ATG7: variants seen among roughly 807,000 people sequenced by gnomAD.
ATG7 encodes the protein autophagy related 7.
A neutral mutation model predicts 82.4 loss-of-function variants in ATG7; 70 were observed. The ratio of observed to expected loss-of-function variants is 0.85; its 90% confidence interval spans 0.70 to 1.04. The LOEUF (loss-of-function observed/expected upper bound fraction) is 1.04. ATG7 is among the 50% of genes least tolerant of loss of function. The probability of loss-of-function intolerance (pLI) is 0.00; values close to 1 mark genes in which losing one functional copy is unlikely to be tolerated. For missense variants in ATG7, 792 were observed against 864.3 expected (o/e 0.92, Z 1.05); for synonymous variants, 287 against 313.0 (o/e 0.92, Z 0.88).
intron 20 of ATG7, among the ~76,000 whole-genome samples, chr3:11,459,526 G>A (rs1011694883): frequency 1.3e-5 from 2 of 151,528 alleles, no homozygotes; most frequent in Non-Finnish European, 2.9e-5. Flanking sequence ...GATTATGTTA[G>A]GAAACTTAAA....
At chr3:11,280,308 C>A (rs1942815056) in intron 1 of ATG7, among the ~76,000 whole-genome samples, 1 of 152,110 alleles carries the variant, frequency 6.6e-6, no homozygotes, top group African/African-American at 2.4e-5. Flanking sequence ...TTGAGTGTCT[C>A]CTATGGGCCA....
intron 19 of ATG7, among the ~76,000 whole-genome samples, chr3:11,424,058 TC>T (rs1327506730): frequency 2.0e-5 from 3 of 152,220 alleles, no homozygotes; most frequent in South Asian, 2.1e-4. Context: ...ACAGAGGACT[TC>T]CTGCCAGCTA....
chr3:11,527,455 C>T (rs2092609704), intron 20 of ATG7, among the ~76,000 whole-genome samples: 1 of 152,140 alleles, frequency 6.6e-6, no homozygotes, highest in Non-Finnish European at 1.5e-5. Context: ...TTCTCTTCTA[C>T]CTGTCCCTGG....
At chr3:11,301,187 C>T (rs996607261) in intron 5 of ATG7, among the ~76,000 whole-genome samples, 4 of 151,992 alleles carry the variant, frequency 2.6e-5, no homozygotes, top group South Asian at 2.1e-4. Context: ...GAGGTCAATG[C>T]GAGGGCCACT....
intron 20 of ATG7, among the ~76,000 whole-genome samples, chr3:11,539,233 T>A (rs1415614280): frequency 6.6e-6 from 1 of 152,178 alleles, no homozygotes; most frequent in African/African-American, 2.4e-5. Flanking sequence ...ACAACAGCCC[T>A]ACGAGGGAGA....
At chr3:11,475,030 C>CTT (rs541118972) in intron 20 of ATG7, among the ~76,000 whole-genome samples, 15 of 144,406 alleles carry the variant, frequency 1.0e-4, no homozygotes, top group African/African-American at 3.5e-4. Flanking sequence ...AGTGACTTAA[C>CTT]TTTTTTTTTT....
chr3:11,342,071 A>G, intron 12 of ATG7, 64 bp from the exon 13 acceptor site: 2 of 1,489,034 alleles, frequency 1.3e-6, no homozygotes, highest in Non-Finnish European at 1.8e-6. Flanking sequence ...AGCCACTTGA[A>G]ATCTTTCAGA....
chr3:11,432,301 GA>G (rs1358713692), intron 20 of ATG7, among the ~76,000 whole-genome samples: 1 of 152,150 alleles, frequency 6.6e-6, no homozygotes. Context: ...GCACAGTGAG[GA>G]GAGGCTAGAC....
intron 3 of ATG7, among the ~76,000 whole-genome samples, chr3:11,293,321 GGAGTTT>G (rs1277559220): frequency 1.3e-5 from 2 of 151,820 alleles, no homozygotes; most frequent in Non-Finnish European, 2.9e-5. Flanking sequence ...CTTGAGGTCA[GGAGTTT>G]GAGACCAGCC....
intron 18 of ATG7, among the ~76,000 whole-genome samples, chr3:11,366,971 CTGTGTGTGTGTGTGTGTGTGTGTGTG>C (rs60183965): frequency 2.8e-4 from 39 of 139,694 alleles, no homozygotes; most frequent in Non-Finnish European, 4.6e-4. Flanking sequence ...ATGGGAAAAG[CTGTGTGTGTGTGTGTGTGTGTGTGTG>C]TGTGTGTGTG....
rs2085945745 is a variant in ATG7, at chr3:11,458,296, C to T, written c.2079+31370C>T. 3.3e-5 allele frequency among the ~76,000 whole-genome samples: 5 copies of T among 152,186 alleles called. No individual in the cohort carries two copies. The South Asian group carries it at 1.0e-3, about 32-fold the overall frequency. ...TTTGTTTTGTTTTGATGGGGTCTTGCTGTGTTGCCCAGGATGGAGTGCAGC... is the reference window on the plus strand; with the variant it reads ...TTTGTTTTGTTTTGATGGGGTCTTGTTGTGTTGCCCAGGATGGAGTGCAGC... On this transcript the variant is annotated intron_variant, in intron 20 of 20. Transcript: ENST00000693202.
chr3:11,337,142 C>A (rs1952644236), intron 11 of ATG7, among the ~76,000 whole-genome samples: 1 of 152,120 alleles, frequency 6.6e-6, no homozygotes, highest in Admixed American at 6.6e-5. Context: ...TGGGAGACAG[C>A]ACCTAATTTT....
chr3:11,545,979 A>C (rs1206578847), intron 20 of ATG7, among the ~76,000 whole-genome samples: 2 of 152,024 alleles, frequency 1.3e-5, no homozygotes, highest in Admixed American at 6.6e-5. Context: ...TCTCCACAAA[A>C]TATAAAAAAT....
chr3:11,274,981 G>GA (rs1941393974), intron 1 of ATG7, among the ~76,000 whole-genome samples: 1 of 151,922 alleles, frequency 6.6e-6, no homozygotes, highest in South Asian at 2.1e-4. Flanking sequence ...ACACTGGACA[G>GA]AAAAAGACAA....
rs1181416536 is a variant in ATG7 at position 11,500,940 on chromosome 3, TG to T, written c.2080-53870del. ...CACTGCACCGCCCAACCTAAGTTTTTGTATAAATAACAGAAATGAATGAAAA... is the reference window on the plus strand; with the variant it reads ...CACTGCACCGCCCAACCTAAGTTTTTTATAAATAACAGAAATGAATGAAAA... On this transcript the variant is annotated intron_variant, in intron 20 of 20. Coordinates refer to ENST00000693202, the MANE Select transcript of ATG7 (RefSeq NM_001349232.2). Among the ~76,000 whole-genome samples the T allele has an allele frequency of 2.0e-5, 3 of 152,228 alleles. 1 individual carries two copies. The highest frequency in any genetic ancestry group is 7.2e-5 in the African/African-American group (3 of 41,456).
intron 20 of ATG7, among the ~76,000 whole-genome samples, chr3:11,462,846 TTTATTTATTTATTTA>T (rs2086461123): frequency 8.3e-4 from 3 of 3,594 alleles, no homozygotes; most frequent in African/African-American, 1.0e-3. Flanking sequence ...GATATTTTTA[TTTATTTATTTATTTA>T]TTTATTTATT....
At chr3:11,481,320 T>C (rs2088944905) in intron 20 of ATG7, among the ~76,000 whole-genome samples, 1 of 152,244 alleles carries the variant, frequency 6.6e-6, no homozygotes, top group African/African-American at 2.4e-5. Flanking sequence ...TTGTAGGTTT[T>C]GTTAGATATA....
At chr3:11,298,449 C>G (rs900578478) in intron 3 of ATG7, among the ~76,000 whole-genome samples, 2 of 152,150 alleles carry the variant, frequency 1.3e-5, no homozygotes, top group African/African-American at 2.4e-5. Context: ...AGATCTGTTT[C>G]ACAACGTTGT....
chr3:11,301,634 A>C (rs1946807537), intron 5 of ATG7, among the ~76,000 whole-genome samples: 1 of 152,206 alleles, frequency 6.6e-6, no homozygotes, highest in African/African-American at 2.4e-5. Flanking sequence ...GTTACCTGTC[A>C]AAAGAAATAA....
Sources: allele counts gnomAD v4.1 joint callset (sites outside exome capture counted in the v4.1 genomes callset), GRCh38; gene constraint gnomAD v4.1.1; transcripts MANE v1.5; gene names NCBI Gene and HGNC (gene_info 2026-07-23, HGNC 2026-07-21).